The following AIG1 variants were observed in gnomAD, a reference collection of about 807,000 sequenced individuals.
AIG1 encodes the protein androgen induced 1.
Under a neutral mutation model 31.4 loss-of-function variants are expected in AIG1, and 23 were observed. That is an observed-to-expected ratio of 0.73 (90% CI 0.53 to 1.04). The LOEUF is 1.04. Among genes scored for constraint, AIG1 ranks in the 50% least tolerant of loss-of-function variants. The probability of loss-of-function intolerance (pLI) is 0.00; values close to 1 mark genes in which losing one functional copy is unlikely to be tolerated. For missense variants in AIG1, 274 were observed against 295.0 expected, an observed-to-expected ratio of 0.93 and a Z score of 0.52; for synonymous variants, 100 against 110.5, an observed-to-expected ratio of 0.90 and a Z score of 0.60.
intron 3 of AIG1, among the ~76,000 whole-genome samples, chr6:143,282,184 G>A (rs747874848): frequency 1.3e-5 from 2 of 152,034 alleles, no homozygotes; most frequent in Non-Finnish European, 2.9e-5. Context: ...ACTTCATTTG[G>A]AGCAATGAAT....
At chr6:143,149,532 CAAAAAAAAAAA>C (rs71767812) in intron 2 of AIG1, among the ~76,000 whole-genome samples, 43 of 39,990 alleles carry the variant, frequency 1.1e-3, no homozygotes, top group African/African-American at 3.1e-3. Context: ...GACTCTGTCT[CAAAAAAAAAAA>C]AAAAAAAAAA....
intron 4 of AIG1, among the ~76,000 whole-genome samples, chr6:143,296,443 A>T (rs1423350110): frequency 3.9e-5 from 6 of 152,178 alleles, no homozygotes; most frequent in African/African-American, 1.4e-4. Context: ...AAGACTCAGA[A>T]CATATTCTCT....
chr6:143,273,986 G>A (rs1796719390), intron 3 of AIG1, among the ~76,000 whole-genome samples: 2 of 152,178 alleles, frequency 1.3e-5, no homozygotes, highest in Admixed American at 1.3e-4. Flanking sequence ...CATGACAACA[G>A]CTTGGAGTTA....
chr6:143,333,988 G>A lies in AIG1; in HGVS notation c.679+543G>A. On this transcript the variant is annotated intron_variant, in intron 5 of 5. Transcript: ENST00000357847. The surrounding 1 kb of genome is among the most constrained non-coding windows in gnomAD (Gnocchi z 4.6). ...TCACGGAAAGTCTGAAAGTGGCAAA[G>A]AGCTACAAGCAGTAAAAGATAATAT... 1.4e-6 allele frequency: 2 copies of A among 1,416,708 alleles called. No homozygotes were observed. The highest frequency in any genetic ancestry group is 1.9e-6 in the Non-Finnish European group (2 of 1,032,158). 87.8% of individuals were successfully genotyped at this position (1,416,708 alleles called of 1,614,324 possible).
intron 3 of AIG1, among the ~76,000 whole-genome samples, chr6:143,166,897 G>A (rs535732868): frequency 6.6e-6 from 1 of 152,206 alleles, no homozygotes; most frequent in East Asian, 1.9e-4. Flanking sequence ...TTTGAACCCA[G>A]GCCTATCTGG....
chr6:143,291,029 C>G lies in AIG1; in HGVS notation c.515+6804C>G, dbSNP rs1465468004. ...TGGGGGAAGGAAGGGCCTCTCCACA[C>G]TGACCAAAGCCAAGTGTGAGGCTCT... On this transcript the variant is annotated intron_variant, in intron 4 of 5. Coordinates refer to ENST00000357847, the MANE Select transcript of AIG1 (RefSeq NM_016108.4). This position sits in a 1 kb window ranked among gnomAD's most constrained non-coding sequence, Gnocchi z 4.2. Among the ~76,000 whole-genome samples the G allele has an allele frequency of 6.6e-6, 1 of 152,136 alleles. No individual in the cohort carries two copies. Among genetic ancestry groups the G allele is most frequent in the East Asian group, 1.9e-4 (1 of 5,176 alleles).
At chr6:143,122,648 AG>A (rs1470206143) in intron 1 of AIG1, among the ~76,000 whole-genome samples, 1 of 152,196 alleles carries the variant, frequency 6.6e-6, no homozygotes, top group Non-Finnish European at 1.5e-5. Flanking sequence ...TACAATTTAC[AG>A]TAACATAATG....
intron 1 of AIG1, among the ~76,000 whole-genome samples, chr6:143,110,313 A>G (rs979992620): frequency 3.4e-4 from 52 of 152,154 alleles, no homozygotes; most frequent in Non-Finnish European, 1.5e-4. Flanking sequence ...GAGCTTTTGC[A>G]TTTCCATGTA....
chr6:143,257,947 C>T (rs1795481221), intron 3 of AIG1, among the ~76,000 whole-genome samples: 1 of 152,152 alleles, frequency 6.6e-6, no homozygotes, highest in Non-Finnish European at 1.5e-5. Flanking sequence ...CCCTCAGGCT[C>T]AGCATATCCC....
chr6:143,241,724 C>T (rs1794256047), intron 3 of AIG1, among the ~76,000 whole-genome samples: 1 of 152,136 alleles, frequency 6.6e-6, no homozygotes, highest in South Asian at 2.1e-4. Context: ...CAATGCAAGT[C>T]GAGCATCCCT....
At chr6:143,203,588 T>A (rs778281553) in intron 3 of AIG1, among the ~76,000 whole-genome samples, 6 of 152,172 alleles carry the variant, frequency 3.9e-5, no homozygotes, top group Non-Finnish European at 5.9e-5. Context: ...CTGGGGAGAT[T>A]AGGCTTCTCT....
At chr6:143,100,261 G>A (rs1780134840) in intron 1 of AIG1, among the ~76,000 whole-genome samples, 1 of 152,140 alleles carries the variant, frequency 6.6e-6, no homozygotes, top group African/African-American at 2.4e-5. Flanking sequence ...TACATGAAGA[G>A]GGCTTCCCTT....
At chr6:143,308,029 C>G (rs184934667) in intron 4 of AIG1, among the ~76,000 whole-genome samples, 474 of 152,366 alleles carry the variant, frequency 3.1e-3, no homozygotes, top group Non-Finnish European at 5.2e-3. Flanking sequence ...GATATAATCT[C>G]CTGGTGTGCC....
chr6:143,212,969 G>A (rs527797862), intron 3 of AIG1, among the ~76,000 whole-genome samples: 4 of 152,238 alleles, frequency 2.6e-5, no homozygotes, highest in South Asian at 2.1e-4. Flanking sequence ...GACAGAGGGA[G>A]AAAAAAATGG....
Position 143,165,135 on chromosome 6 carries a change from C to T in AIG1, c.351C>T (p.Tyr117=). The T allele has an allele frequency of 6.2e-7, 1 of 1,613,548 alleles. No homozygotes were observed. The highest frequency in any genetic ancestry group is 8.5e-7 in the Non-Finnish European group (1 of 1,179,624). Residue 117 remains tyrosine, a synonymous_variant, in exon 3 of 6, where the codon TAC becomes TAT. Transcript: ENST00000357847. ...ATGCCTATGACAGAGAGATGATATA[C>T]CCGAAGCTGCTGGATAATTTTATCC... ...IIYAYDREMI[Y]PKLLDNFIPG... is the part of the protein sequence containing the mutation.
At chr6:143,332,735 G>A (rs533911040) in intron 4 of AIG1, among the ~76,000 whole-genome samples, 1 of 152,178 alleles carries the variant, frequency 6.6e-6, no homozygotes, top group Non-Finnish European at 1.5e-5. Flanking sequence ...GTTGAACAGT[G>A]TTAATAAAGT....
intron 3 of AIG1, among the ~76,000 whole-genome samples, chr6:143,273,944 G>T (rs1279943567): frequency 6.6e-6 from 1 of 152,116 alleles, no homozygotes; most frequent in African/African-American, 2.4e-5. Context: ...CACAAGAAAG[G>T]TAGCACAAAT....
intron 1 of AIG1, among the ~76,000 whole-genome samples, chr6:143,096,009 C>T (rs1440523703): frequency 6.7e-6 from 1 of 148,890 alleles, no homozygotes; most frequent in African/African-American, 2.5e-5. Context: ...TGTGTTCAAG[C>T]TATTCTCCTG....
chr6:143,248,944 G>A (rs578261953), intron 3 of AIG1, among the ~76,000 whole-genome samples: 12 of 152,280 alleles, frequency 7.9e-5, no homozygotes, highest in South Asian at 6.2e-4. Flanking sequence ...TTTCAGCATC[G>A]TGGGCAGGTT....
Sources: allele counts gnomAD v4.1 joint callset (sites outside exome capture counted in the v4.1 genomes callset), GRCh38; gene constraint gnomAD v4.1.1; non-coding constraint Gnocchi (gnomAD v3.1); transcripts MANE v1.5; gene names NCBI Gene and HGNC (gene_info 2026-07-23, HGNC 2026-07-21).